Variants in DUSP5 observed in about 807,000 individuals in gnomAD.
DUSP5 encodes the protein dual specificity phosphatase 5.
A neutral mutation model predicts 33.6 loss-of-function variants in DUSP5; 22 were observed. That is an observed-to-expected ratio of 0.66 (90% CI 0.47 to 0.94). The LOEUF (loss-of-function observed/expected upper bound fraction) is 0.94. Among genes scored for constraint, DUSP5 ranks in the 40% least tolerant of loss-of-function variants. The probability of loss-of-function intolerance (pLI) is 0.00; values close to 1 mark genes in which losing one functional copy is unlikely to be tolerated. For missense variants in DUSP5, 551 were observed against 522.1 expected, an observed-to-expected ratio of 1.06 and a Z score of -0.54; for synonymous variants, 270 against 231.1, an observed-to-expected ratio of 1.17 and a Z score of -1.53.
intron 2 of DUSP5, 88 bp from the exon 3 acceptor site, chr10:110,506,844 TAAG>T: frequency 2.2e-6 from 3 of 1,394,000 alleles, no homozygotes; most frequent in Non-Finnish European, 3.0e-6. Context: ...CCACCCATCT[TAAG>T]AAACAAATAG....
chr10:110,506,561 C>T (rs898228301), intron 2 of DUSP5, among the ~76,000 whole-genome samples: 3 of 152,194 alleles, frequency 2.0e-5, no homozygotes, highest in African/African-American at 7.2e-5. Context: ...GGAGATTGCC[C>T]TGGTACTCTC....
In DUSP5 at chr10:110,510,466, G is replaced by C. The variant is rs764415977; in HGVS notation, c.*40G>C. 6 of 1,494,922 alleles carry C rather than the reference G, an allele frequency of 4.0e-6. No homozygotes were observed. The highest frequency in any genetic ancestry group is 4.5e-6 in the Non-Finnish European group (5 of 1,119,640). The allele number at this position is 1,494,922 out of a possible 1,614,324, so 92.6% of individuals were successfully genotyped here. A position where few individuals can be genotyped will look rare whatever the true frequency, so the allele number is the denominator to read the frequency against. ...AATCGGCCCAGCCCCAAGAGCAACT[G>C]TGATTTTTGTTTTTAAGACTCATGG... On this transcript the variant is annotated 3_prime_UTR_variant, in exon 4 of 4. Transcript: ENST00000369583.
intron 2 of DUSP5, chr10:110,503,631 T>G (rs1860083958): frequency 6.6e-6 from 1 of 152,228 alleles, no homozygotes; most frequent in African/African-American, 2.4e-5. Flanking sequence ...AAGCCAGAGA[T>G]CAAAACCTAA....
chr10:110,509,443 A>G (rs1421354229), intron 3 of DUSP5, among the ~76,000 whole-genome samples: 1 of 152,220 alleles, frequency 6.6e-6, no homozygotes, highest in African/African-American at 2.4e-5. Context: ...TGAGCCAAGC[A>G]TCCTGCCCTG....
At chr10:110,505,851 T>C (rs1198996794) in intron 2 of DUSP5, among the ~76,000 whole-genome samples, 1 of 152,180 alleles carries the variant, frequency 6.6e-6, no homozygotes, top group African/African-American at 2.4e-5. Flanking sequence ...GGATGGTCTC[T>C]GGTTCCCCCT....
At chr10:110,507,972 C>G (rs1420368942) in intron 3 of DUSP5, among the ~76,000 whole-genome samples, 1 of 152,262 alleles carries the variant, frequency 6.6e-6, no homozygotes, top group African/African-American at 2.4e-5. Flanking sequence ...TTCCAGCTCC[C>G]ATCTTCCTCT....
intron 1 of DUSP5, among the ~76,000 whole-genome samples, chr10:110,498,725 C>G (rs1359430077): frequency 1.3e-5 from 2 of 152,196 alleles, no homozygotes; most frequent in South Asian, 2.1e-4. Context: ...CGGGTCTGCC[C>G]GGTGGTCTGG....
intron 1 of DUSP5, among the ~76,000 whole-genome samples, chr10:110,500,115 C>T (rs1392900159): frequency 1.3e-5 from 2 of 152,216 alleles, no homozygotes; most frequent in Non-Finnish European, 2.9e-5. Context: ...CAGTCGTCAA[C>T]TATTTTTTGT....
chr10:110,500,951 A>G (rs1396489527), intron 1 of DUSP5, among the ~76,000 whole-genome samples: 1 of 152,180 alleles, frequency 6.6e-6, no homozygotes, highest in Non-Finnish European at 1.5e-5. Flanking sequence ...TGTCCTCCTG[A>G]TAGCCAACTC....
Position 110,498,495 on chromosome 10 carries a change from T to G in DUSP5, c.374T>G (p.Leu125Arg). 1 of 1,528,256 alleles carries G rather than the reference T, an allele frequency of 6.5e-7. No homozygotes were observed. The highest frequency in any genetic ancestry group is 8.7e-7 in the Non-Finnish European group (1 of 1,146,210). 94.7% of individuals were successfully genotyped at this position (1,528,256 alleles called of 1,614,324 possible). ...CCCGCCGGCCCGCGGGTCTACTTCCTCAAAGGTGAGCGCTCGGGGTCCCTG... is the reference window on the plus strand; with the variant it reads ...CCCGCCGGCCCGCGGGTCTACTTCCGCAAAGGTGAGCGCTCGGGGTCCCTG... Reference protein sequence around the residue: ...CLPAGPRVYFLKGGYETFYSE... With the variant: ...CLPAGPRVYFRKGGYETFYSE... Residue 125 changes from leucine (L) to arginine (R), a missense_variant, in exon 1 of 4, where the codon CTC becomes CGC. Coordinates refer to ENST00000369583, the MANE Select transcript of DUSP5 (RefSeq NM_004419.4).
At chr10:110,506,489 C>G (rs1860121290) in intron 2 of DUSP5, among the ~76,000 whole-genome samples, 1 of 152,100 alleles carries the variant, frequency 6.6e-6, no homozygotes, top group South Asian at 2.1e-4. Context: ...AAGGAGGACA[C>G]ACACCATGTT....
chr10:110,502,687 A>G (rs1375780489), intron 1 of DUSP5, 34 bp from the exon 2 acceptor site: 13 of 1,605,498 alleles, frequency 8.1e-6, no homozygotes, highest in Non-Finnish European at 6.8e-6. Flanking sequence ...ATTGATGCTT[A>G]CCATCTGTCT....
rs564071462 is a variant in DUSP5, at chr10:110,502,790, A to T, written c.449A>T (p.Lys150Met). Residue 150 changes from lysine (K) to methionine (M), a missense_variant, in exon 2 of 4, where the codon AAG (lysine) becomes ATG (methionine). By Grantham distance (95) the Lys-to-Met change is moderately conservative (BLOSUM62 -1). Around this residue, in one of 3 missense-constraint regions of DUSP5, gnomAD observed 381 missense variants for 310.4 expected, o/e 1.23. Transcript: ENST00000369583. ...CVDVKPISQE[K>M]IESERALISQ... ...GATGTAAAACCCATTTCACAAGAGA[A>T]GATTGAGAGTGAGAGAGCCCTCATC... The T allele has an allele frequency of 6.2e-7, 1 of 1,614,172 alleles. No homozygotes were observed. The highest frequency in any genetic ancestry group is 1.3e-5 in the African/African-American group (1 of 75,030).
rs1466059742 is a variant in DUSP5, at chr10:110,498,022, C to G, written c.-100C>G. On this transcript the variant is annotated 5_prime_UTR_variant, in exon 1 of 4. Coordinates refer to ENST00000369583, the MANE Select transcript of DUSP5 (RefSeq NM_004419.4). ...CGCGGCCGCAGCCCCGCGGGTCGCC[C>G]TCCCGTGCCTCGCCCGCGGACACCC... The G allele has an allele frequency of 4.1e-6, 4 of 975,008 alleles. No individual in the cohort carries two copies. Among genetic ancestry groups the G allele is most frequent in the Admixed American group, 1.2e-4 (2 of 16,820 alleles). The allele number at this position is 975,008 out of a possible 1,614,324, so 60.4% of individuals were successfully genotyped here.
Position 110,498,014 on chromosome 10 carries a change from G to A in DUSP5, c.-108G>A, listed in dbSNP as rs1183868724. 1.1e-6 allele frequency: 1 copy of A among 914,680 alleles called. No homozygotes were observed. The highest frequency in any genetic ancestry group is 1.8e-5 in the African/African-American group (1 of 55,252). The allele number at this position is 914,680 out of a possible 1,614,324, so 56.7% of individuals were successfully genotyped here. On this transcript the variant is annotated 5_prime_UTR_variant, in exon 1 of 4. Transcript: ENST00000369583. ...GGCTCCGTCGCGGCCGCAGCCCCGCGGGTCGCCCTCCCGTGCCTCGCCCGC... is the reference window on the plus strand; with the variant it reads ...GGCTCCGTCGCGGCCGCAGCCCCGCAGGTCGCCCTCCCGTGCCTCGCCCGC...
chr10:110,501,182 T>C (rs1417667980), intron 1 of DUSP5, among the ~76,000 whole-genome samples: 5 of 152,162 alleles, frequency 3.3e-5, no homozygotes, highest in Non-Finnish European at 7.4e-5. Context: ...CTGTGGGTCA[T>C]TGTGAGCCTG....
In DUSP5 at chr10:110,502,874, G is replaced by A. The variant is rs762779950; in HGVS notation, c.528+5G>A. ...TACAGGCCAGCTTATGACCAGGTACGTGATGTGATGGGGAAGAGGTATCCT... is the reference window on the plus strand; with the variant it reads ...TACAGGCCAGCTTATGACCAGGTACATGATGTGATGGGGAAGAGGTATCCT... On this transcript the variant is annotated splice_donor_5th_base_variant and intron_variant, in intron 2 of 3. Coordinates refer to ENST00000369583, the MANE Select transcript of DUSP5 (RefSeq NM_004419.4). 1.1e-5 allele frequency: 18 copies of A among 1,614,050 alleles called. No homozygotes were observed. The Middle Eastern group carries it at 4.9e-4, about 44-fold the overall frequency.
At chr10:110,500,069 C>G (rs1860023952) in intron 1 of DUSP5, among the ~76,000 whole-genome samples, 1 of 152,226 alleles carries the variant, frequency 6.6e-6, no homozygotes, top group Non-Finnish European at 1.5e-5. Context: ...AGCGGGTCTT[C>G]TGCATATCTT....
chr10:110,506,580 T>C (rs1472488350), intron 2 of DUSP5, among the ~76,000 whole-genome samples: 2 of 152,228 alleles, frequency 1.3e-5, no homozygotes, highest in African/African-American at 4.8e-5. Flanking sequence ...TCAGGGCAGC[T>C]GTAACTTCAA....
Sources: gnomAD v4.1 joint callset for allele counts (sites outside exome capture counted in the v4.1 genomes callset) on GRCh38, gnomAD v4.1.1 for gene constraint, gnomAD v4.1.1 regional missense constraint, MANE v1.5 for transcripts, NCBI Gene and HGNC (gene_info 2026-07-23, HGNC 2026-07-21) for gene names.